Variants in KAZN observed in about 807,000 individuals in gnomAD.
KAZN encodes kazrin, periplakin interacting protein.
In KAZN, 40 loss-of-function variants were observed where a neutral mutation model predicts 87.4. The observed-to-expected ratio is 0.46, with a 90% CI of 0.36 to 0.60. The LOEUF is 0.60. Among genes scored for constraint, KAZN ranks in the 20% least tolerant of loss-of-function variants. KAZN has a pLI of 0.00. For synonymous variants in KAZN, 466 were observed against 458.3 expected, an observed-to-expected ratio of 1.02 and a Z score of -0.22; for missense variants, 898 against 1,073.9, an observed-to-expected ratio of 0.84 and a Z score of 2.29.
At chr1:14,682,114 A>C (rs945125759) in intron 1 of KAZN, among the ~76,000 whole-genome samples, 1 of 152,070 alleles carries the variant, frequency 6.6e-6, no homozygotes, top group Non-Finnish European at 1.5e-5. Context: ...CCCATTAAAC[A>C]CTAACTCTCC....
At chr1:15,002,426 C>T (rs990828446) in intron 2 of KAZN, among the ~76,000 whole-genome samples, 2 of 152,162 alleles carry the variant, frequency 1.3e-5, no homozygotes, top group African/African-American at 4.8e-5. Context: ...AGCTGCGTTG[C>T]ACCCTGAGTT....
rs773956027 is a variant in KAZN at position 14,135,013 on chromosome 1, A to ACACACACACACACG, written c.92-45422_92-45421insCACACACACACACG. On this transcript the variant is annotated intron_variant, in intron 1 of 16. Transcript: ENST00000636203. ...CACACACACACACACATGTGCACAC[A>ACACACACACACACG]TGCACACATACACTCACACATTCAC... Among the ~76,000 whole-genome samples the ACACACACACACACG allele has an allele frequency of 2.9e-4, 22 of 77,156 alleles. No individual in the cohort carries two copies. In the South Asian group the frequency reaches 4.3e-3, roughly 15 times the overall value. The allele number at this position is 77,156 out of a possible 152,430, so 50.6% of individuals were successfully genotyped here.
chr1:14,325,109 G>A (rs1021040690), intron 2 of KAZN, among the ~76,000 whole-genome samples: 6 of 152,104 alleles, frequency 3.9e-5, no homozygotes, highest in African/African-American at 1.4e-4. Flanking sequence ...TAATTTTGGT[G>A]GCGCAATTTA....
At position 14,686,567 on chromosome 1, in the gene KAZN, T is replaced by C. The variant is rs1262492786; in HGVS notation, c.226+87344T>C. 2.0e-5 allele frequency among the ~76,000 whole-genome samples: 3 copies of C among 152,260 alleles called. No individual in the cohort carries two copies. The East Asian group carries it at 5.8e-4, about 29-fold the overall frequency. On this transcript the variant is annotated intron_variant, in intron 1 of 14. Transcript: ENST00000376030. ...AACATCATTGCTTCTTAATGGACTG[T>C]GGGAACACCTGAAAATCATAGCAAA...
At chr1:14,114,985 C>T (rs1644583605) in intron 1 of KAZN, among the ~76,000 whole-genome samples, 1 of 152,238 alleles carries the variant, frequency 6.6e-6, no homozygotes, top group South Asian at 2.1e-4. Context: ...ACAAACCCCA[C>T]CTTCTTAGCC....
intron 2 of KAZN, among the ~76,000 whole-genome samples, chr1:14,365,429 C>T (rs1659917559): frequency 6.6e-6 from 1 of 151,004 alleles, no homozygotes; most frequent in African/African-American, 2.4e-5. Flanking sequence ...CACCCTACTC[C>T]AGCATGACCT....
intron 1 of KAZN, among the ~76,000 whole-genome samples, chr1:13,983,890 G>T (rs1248734131): frequency 6.6e-6 from 1 of 152,132 alleles, no homozygotes; most frequent in Non-Finnish European, 1.5e-5. Context: ...GGTTGAAGGT[G>T]GGGGAGGTGG....
In KAZN at chr1:14,056,703, AG is replaced by A. The variant is rs560182976; in HGVS notation, c.92-123731del. On this transcript the variant is annotated intron_variant, in intron 1 of 16. Coordinates refer to the KAZN transcript ENST00000636203. Reference sequence around the variant, plus strand: ...TTTGTTCATGATCACACAGCAGGTGAGACAGAATCAGAGACAGAACAGGTCT... The same window carrying A: ...TTTGTTCATGATCACACAGCAGGTGAACAGAATCAGAGACAGAACAGGTCT... Among the ~76,000 whole-genome samples, 256 of 152,314 alleles carry A rather than the reference AG, an allele frequency of 1.7e-3. 1 individual carries two copies. In the Middle Eastern group the frequency reaches 0.017, roughly 10 times the overall value.
intron 1 of KAZN, among the ~76,000 whole-genome samples, chr1:14,758,153 T>TCCTCCCTC (rs71000337): frequency 6.7e-6 from 1 of 149,226 alleles, no homozygotes; most frequent in African/African-American, 2.5e-5. Flanking sequence ...CTTCCTCCCT[T>TCCTCCCTC]CCTCCCTCCC....
intron 2 of KAZN, among the ~76,000 whole-genome samples, chr1:14,525,316 T>C (rs1477367804): frequency 6.6e-6 from 1 of 152,134 alleles, no homozygotes; most frequent in Non-Finnish European, 1.5e-5. Context: ...AATTTCTTTT[T>C]TATCATGTAG....
chr1:15,056,254 AC>A lies in KAZN; in HGVS notation c.896del (p.Pro299LeufsTer11). On this transcript the variant is annotated frameshift_variant, in exon 5 of 15. Coordinates refer to ENST00000376030, the MANE Select transcript of KAZN (RefSeq NM_201628.3). LOFTEE classifies it high-confidence loss of function. This position sits in a 1 kb window ranked among gnomAD's most constrained non-coding sequence, Gnocchi z 5.4. ...AGTCAACAGACTCTCTACCACTCAC[AC>A]CCCCCTCACCCTGCGGACCGGCAAG... ...RQSQQTLYHS[H>X]PPHPADRQAV... The A allele has an allele frequency of 1.2e-6, 2 of 1,608,082 alleles. No individual in the cohort carries two copies. The highest frequency in any genetic ancestry group is 1.7e-6 in the Non-Finnish European group (2 of 1,175,528).
chr1:14,957,010 A>G (rs554934220), intron 1 of KAZN, among the ~76,000 whole-genome samples: 129 of 152,124 alleles, frequency 8.5e-4, no homozygotes, highest in African/African-American at 2.4e-3. Context: ...AATGCCGCCA[A>G]CTTCTCAAGG....
At chr1:14,003,562 C>T (rs1356876529) in intron 1 of KAZN, among the ~76,000 whole-genome samples, 1 of 151,836 alleles carries the variant, frequency 6.6e-6, no homozygotes, top group African/African-American at 2.4e-5. Flanking sequence ...AAGAGAAAGT[C>T]CAGAAATATA....
At chr1:14,211,348 G>A (rs1646849158) in intron 2 of KAZN, among the ~76,000 whole-genome samples, 1 of 152,106 alleles carries the variant, frequency 6.6e-6, no homozygotes, top group Non-Finnish European at 1.5e-5. Flanking sequence ...AGCCTCCCGA[G>A]TAGCTGGGAC....
chr1:14,860,653 A>G (rs1650729559), intron 1 of KAZN, among the ~76,000 whole-genome samples: 1 of 152,148 alleles, frequency 6.6e-6, no homozygotes, highest in Non-Finnish European at 1.5e-5. Flanking sequence ...GAAAATCGGT[A>G]TTTTCTGCTT....
chr1:14,163,654 G>A (rs923521442), intron 1 of KAZN, among the ~76,000 whole-genome samples: 2 of 152,162 alleles, frequency 1.3e-5, no homozygotes, highest in East Asian at 3.8e-4. Flanking sequence ...AGTGCCAGCT[G>A]TGACCAATTA....
intron 1 of KAZN, among the ~76,000 whole-genome samples, chr1:14,059,913 A>C (rs1402292962): frequency 6.6e-6 from 1 of 152,050 alleles, no homozygotes; most frequent in Non-Finnish European, 1.5e-5. Flanking sequence ...CTTTCCTTTG[A>C]TTTATTTGCA....
intron 2 of KAZN, chr1:14,304,687 G>C: frequency 7.5e-6 from 3 of 398,260 alleles, no homozygotes; most frequent in Middle Eastern, 6.3e-4. Context: ...GCATTCCCAG[G>C]GGTACATCTG....
intron 2 of KAZN, among the ~76,000 whole-genome samples, chr1:14,320,441 C>T (rs933674913): frequency 4.6e-5 from 7 of 152,072 alleles, no homozygotes; most frequent in Non-Finnish European, 7.4e-5. Flanking sequence ...TATCTTTTCT[C>T]ATGTTAGGCT....
Sources: gnomAD v4.1 joint callset for allele counts (sites outside exome capture counted in the v4.1 genomes callset) on GRCh38, gnomAD v4.1.1 for gene constraint, Gnocchi (gnomAD v3.1) non-coding constraint, MANE v1.5 for transcripts, NCBI Gene and HGNC (gene_info 2026-07-23, HGNC 2026-07-21) for gene names.